CDK19: variants seen among roughly 807,000 people sequenced by gnomAD.
CDK19 encodes the protein cyclin dependent kinase 19, also known as cyclin-dependent kinase 19.
CDK19 carries 20 observed loss-of-function variants against 68.3 expected under a neutral mutation model. The ratio of observed to expected loss-of-function variants is 0.29; its 90% CI spans 0.21 to 0.43. CDK19 has a LOEUF of 0.43. Among genes scored for constraint, CDK19 ranks in the 20% least tolerant of loss-of-function variants. CDK19 has a pLI of 1.00. For synonymous variants in CDK19, 221 were observed against 222.8 expected (o/e 0.99, Z 0.07); for missense variants, 339 against 623.5 (o/e 0.54, Z 4.86).
intron 12 of CDK19, among the ~76,000 whole-genome samples, chr6:110,619,275 A>C (rs1459687333): frequency 6.6e-6 from 1 of 152,248 alleles, no homozygotes; most frequent in Non-Finnish European, 1.5e-5. Context: ...AAAAAAAGAA[A>C]TACAGTAATC....
intron 4 of CDK19, among the ~76,000 whole-genome samples, chr6:110,666,560 G>A (rs977229155): frequency 2.0e-5 from 3 of 151,244 alleles, no homozygotes; most frequent in African/African-American, 7.3e-5. Flanking sequence ...CAAGTCAGAT[G>A]AGTAGCCCTG....
At chr6:110,703,271 C>T (rs1774162122) in intron 2 of CDK19, among the ~76,000 whole-genome samples, 2 of 152,090 alleles carry the variant, frequency 1.3e-5, no homozygotes, top group Admixed American at 6.5e-5. Flanking sequence ...GGCAAGCTGA[C>T]TCAAAGTTTG....
At chr6:110,749,190 C>T (rs1778286651) in intron 1 of CDK19, among the ~76,000 whole-genome samples, 1 of 152,126 alleles carries the variant, frequency 6.6e-6, no homozygotes, top group African/African-American at 2.4e-5. Flanking sequence ...TGGATAAATG[C>T]TATATAGAAT....
chr6:110,791,671 TTA>T (rs1417433660), intron 1 of CDK19, among the ~76,000 whole-genome samples: 2 of 152,150 alleles, frequency 1.3e-5, no homozygotes, highest in African/African-American at 4.8e-5. Flanking sequence ...TTTCTTTTTT[TTA>T]TAGAGACAAG....
At chr6:110,774,750 G>C (rs953005798) in intron 1 of CDK19, among the ~76,000 whole-genome samples, 1 of 152,170 alleles carries the variant, frequency 6.6e-6, no homozygotes, top group Non-Finnish European at 1.5e-5. Flanking sequence ...AGGAGTTCAA[G>C]ACCAGCATGG....
intron 4 of CDK19, among the ~76,000 whole-genome samples, chr6:110,664,996 T>C (rs943961650): frequency 6.6e-6 from 1 of 152,186 alleles, no homozygotes; most frequent in Admixed American, 6.5e-5. Flanking sequence ...AGTAGTAAAG[T>C]ATACATGAAA....
intron 1 of CDK19, among the ~76,000 whole-genome samples, chr6:110,785,910 G>A (rs561558949): frequency 3.3e-5 from 5 of 151,752 alleles, no homozygotes; most frequent in African/African-American, 1.2e-4. Context: ...AACCGGGGAG[G>A]CAGAGATTGT....
At chr6:110,739,592 A>G (rs1221671238) in intron 2 of CDK19, among the ~76,000 whole-genome samples, 1 of 152,018 alleles carries the variant, frequency 6.6e-6, no homozygotes, top group African/African-American at 2.4e-5. Context: ...TGTTGTTAGA[A>G]GTACTCAGGA....
intron 4 of CDK19, among the ~76,000 whole-genome samples, chr6:110,666,284 A>C (rs1391207520): frequency 6.7e-6 from 1 of 149,710 alleles, no homozygotes; most frequent in Non-Finnish European, 1.5e-5. Flanking sequence ...AAATTAGCCC[A>C]GCATAGTGGT....
At chr6:110,678,776 G>A (rs1331625791) in intron 2 of CDK19, among the ~76,000 whole-genome samples, 1 of 152,200 alleles carries the variant, frequency 6.6e-6, no homozygotes, top group Non-Finnish European at 1.5e-5. Context: ...TTCTAGAGAA[G>A]CTATTTTACA....
chr6:110,807,340 T>C (rs1782747025), intron 1 of CDK19, among the ~76,000 whole-genome samples: 1 of 152,112 alleles, frequency 6.6e-6, no homozygotes, highest in Admixed American at 6.6e-5. Context: ...ATCTTTAAGT[T>C]AACACACATG....
chr6:110,702,540 T>C (rs570770629), intron 2 of CDK19, among the ~76,000 whole-genome samples: 6 of 152,210 alleles, frequency 3.9e-5, no homozygotes, highest in South Asian at 4.2e-4. Flanking sequence ...AATGGGAAGA[T>C]TGCTTGGGCC....
chr6:110,646,312 ACCTGCGCGAACGGGC>A (rs1280472738), intron 4 of CDK19: 1 of 1,488,754 alleles, frequency 6.7e-7, no homozygotes, highest in Non-Finnish European at 8.9e-7. Flanking sequence ...CTCAGCGACT[ACCTGCGCGAACGGGC>A]CCACGACGGC....
At chr6:110,794,731 T>G (rs1781828233) in intron 1 of CDK19, among the ~76,000 whole-genome samples, 1 of 151,910 alleles carries the variant, frequency 6.6e-6, no homozygotes, top group Admixed American at 6.6e-5. Context: ...TTTTAACAAT[T>G]TCTATACCAA....
intron 2 of CDK19, among the ~76,000 whole-genome samples, chr6:110,711,263 G>A (rs1774918174): frequency 6.6e-6 from 1 of 152,168 alleles, no homozygotes; most frequent in South Asian, 2.1e-4. Flanking sequence ...TTTCTGTAGA[G>A]AGGGGTTAAC....
chr6:110,799,868 G>T (rs550364260), intron 1 of CDK19, among the ~76,000 whole-genome samples: 1 of 152,112 alleles, frequency 6.6e-6, no homozygotes, highest in African/African-American at 2.4e-5. Flanking sequence ...CTCCCAAAGC[G>T]CTGGAATTAT....
chr6:110,764,209 C>T (rs1415133335), intron 1 of CDK19, among the ~76,000 whole-genome samples: 1 of 152,012 alleles, frequency 6.6e-6, no homozygotes, highest in Non-Finnish European at 1.5e-5. Context: ...CAACATAATC[C>T]CAAACAAAAT....
intron 1 of CDK19, among the ~76,000 whole-genome samples, chr6:110,782,997 A>C (rs1444174025): frequency 6.6e-6 from 1 of 152,212 alleles, no homozygotes; most frequent in African/African-American, 2.4e-5. Flanking sequence ...TAATCTAAGA[A>C]TGAAGTTTCA....
At chr6:110,707,567 T>C (rs1465620622) in intron 2 of CDK19, among the ~76,000 whole-genome samples, 1 of 152,192 alleles carries the variant, frequency 6.6e-6, no homozygotes, top group Non-Finnish European at 1.5e-5. Flanking sequence ...TAACCAGCCC[T>C]TTTTCACTTA....
Sources: allele counts gnomAD v4.1 joint callset (sites outside exome capture counted in the v4.1 genomes callset), GRCh38; gene constraint gnomAD v4.1.1; transcripts MANE v1.5; gene names NCBI Gene and HGNC (gene_info 2026-07-23, HGNC 2026-07-21).